GRIA1: variants seen among roughly 807,000 people sequenced by gnomAD.
GRIA1 encodes the protein glutamate ionotropic receptor AMPA type subunit 1.
A neutral mutation model predicts 99.2 loss-of-function variants in GRIA1; 31 were observed. That is an observed-to-expected ratio of 0.31 (90% CI 0.23 to 0.42). GRIA1 has a LOEUF of 0.42. Ranked by LOEUF, GRIA1 falls within the 10% of genes least tolerant of loss-of-function variation. GRIA1 has a pLI of 1.00. For missense variants in GRIA1, 782 were observed against 1,157.5 expected (o/e 0.68, Z 4.71); for synonymous variants, 438 against 432.4 (o/e 1.01, Z -0.16).
intron 11 of GRIA1, among the ~76,000 whole-genome samples, chr5:153,763,066 T>C (rs1763287005): frequency 6.6e-6 from 1 of 152,202 alleles, no homozygotes; most frequent in African/African-American, 2.4e-5. Flanking sequence ...TCTCTTTTAT[T>C]TTCCCCTCCG....
chr5:153,742,719 A>C (rs1761892615), intron 11 of GRIA1, among the ~76,000 whole-genome samples: 1 of 152,192 alleles, frequency 6.6e-6, no homozygotes, highest in Admixed American at 6.5e-5. Flanking sequence ...CCAAGCCAGC[A>C]ATGGAAGATC....
intron 8 of GRIA1, among the ~76,000 whole-genome samples, chr5:153,694,237 C>T (rs573681122): frequency 6.6e-6 from 1 of 152,254 alleles, no homozygotes; most frequent in African/African-American, 2.4e-5. Flanking sequence ...AAGCCATATA[C>T]ATCTGGCTTA....
intron 1 of GRIA1, chr5:153,491,193 TACTCGC>T: frequency 8.6e-7 from 1 of 1,169,460 alleles, no homozygotes; most frequent in Non-Finnish European, 1.1e-6. Flanking sequence ...ACACATACCC[TACTCGC>T]ACTCCAGGCA....
chr5:153,502,599 G>A (rs1292149448), intron 2 of GRIA1, among the ~76,000 whole-genome samples: 1 of 152,158 alleles, frequency 6.6e-6, no homozygotes, highest in Admixed American at 6.5e-5. Context: ...GTTTGCCATT[G>A]ATGTATGAGC....
At chr5:153,612,848 T>C (rs1260887014) in intron 2 of GRIA1, among the ~76,000 whole-genome samples, 2 of 152,116 alleles carry the variant, frequency 1.3e-5, no homozygotes, top group Non-Finnish European at 2.9e-5. Context: ...ATTAGCATTA[T>C]AAAGTGTTTC....
At chr5:153,677,274 A>C in intron 7 of GRIA1, 113 bp downstream of exon 7, 1 of 857,198 alleles carries the variant, frequency 1.2e-6, no homozygotes, top group Non-Finnish European at 1.6e-6. Context: ...CCTGAAGTTC[A>C]GAACAACCAC....
intron 4 of GRIA1, among the ~76,000 whole-genome samples, chr5:153,653,244 C>T (rs1221884382): frequency 6.6e-6 from 1 of 152,154 alleles, no homozygotes; most frequent in Non-Finnish European, 1.5e-5. Flanking sequence ...ATCTGGATTT[C>T]TATAGATAGC....
At chr5:153,787,119 C>T (rs1483006237) in intron 13 of GRIA1, among the ~76,000 whole-genome samples, 1 of 152,146 alleles carries the variant, frequency 6.6e-6, no homozygotes, top group Non-Finnish European at 1.5e-5. Flanking sequence ...TCTCCCTTGG[C>T]TGCTTTTTTC....
chr5:153,738,150 T>C (rs1189678456), intron 11 of GRIA1, among the ~76,000 whole-genome samples: 1 of 152,160 alleles, frequency 6.6e-6, no homozygotes, highest in African/African-American at 2.4e-5. Context: ...TGTAGGACAT[T>C]CCTATAGGTT....
chr5:153,773,674 A>G (rs182629577), intron 13 of GRIA1, among the ~76,000 whole-genome samples: 2 of 152,310 alleles, frequency 1.3e-5, no homozygotes, highest in African/African-American at 4.8e-5. Flanking sequence ...TATTGATTTC[A>G]AAAAAGAGAG....
intron 11 of GRIA1, among the ~76,000 whole-genome samples, chr5:153,759,596 G>A (rs940939683): frequency 2.0e-5 from 3 of 151,840 alleles, no homozygotes; most frequent in Non-Finnish European, 2.9e-5. Flanking sequence ...CAGGACTGAC[G>A]GCTTCACTGC....
intron 12 of GRIA1, among the ~76,000 whole-genome samples, chr5:153,767,412 A>C (rs1240478458): frequency 6.6e-6 from 1 of 152,210 alleles, no homozygotes; most frequent in Non-Finnish European, 1.5e-5. Flanking sequence ...TGCAATCAGG[A>C]GGTCAGGGAC....
At chr5:153,661,667 A>C (rs1194068064) in intron 5 of GRIA1, among the ~76,000 whole-genome samples, 1 of 151,836 alleles carries the variant, frequency 6.6e-6, no homozygotes, top group Non-Finnish European at 1.5e-5. Context: ...AAAGTCAATG[A>C]ATGAATGAAT....
intron 2 of GRIA1, among the ~76,000 whole-genome samples, chr5:153,622,010 T>C (rs1473328296): frequency 1.3e-5 from 2 of 152,182 alleles, no homozygotes; most frequent in South Asian, 2.1e-4. Context: ...TGTGGCTTCT[T>C]CTCTAGCCAA....
chr5:153,625,222 A>G (rs1055654328), intron 2 of GRIA1, among the ~76,000 whole-genome samples: 2 of 152,152 alleles, frequency 1.3e-5, no homozygotes, highest in African/African-American at 2.4e-5. Flanking sequence ...TGGGAGAAAC[A>G]TAGCCCAGGA....
chr5:153,723,608 G>A (rs1760253465), intron 11 of GRIA1, among the ~76,000 whole-genome samples: 1 of 152,304 alleles, frequency 6.6e-6, no homozygotes, highest in African/African-American at 2.4e-5. Flanking sequence ...ACCTGGCTCG[G>A]AGGGTCCTAC....
chr5:153,559,311 C>T (rs1488931278), intron 2 of GRIA1, among the ~76,000 whole-genome samples: 1 of 152,140 alleles, frequency 6.6e-6, no homozygotes, highest in Non-Finnish European at 1.5e-5. Flanking sequence ...ATTAACTTCT[C>T]TCCCTGGGAG....
chr5:153,544,450 A>T (rs1378498635), intron 2 of GRIA1, among the ~76,000 whole-genome samples: 2 of 152,198 alleles, frequency 1.3e-5, no homozygotes, highest in Non-Finnish European at 2.9e-5. Flanking sequence ...AAAGTCAGGG[A>T]GGTTCTCCCC....
chr5:153,682,289 C>T (rs10057454), intron 7 of GRIA1, among the ~76,000 whole-genome samples: 13,594 of 152,180 alleles, frequency 0.089, 698 homozygotes, highest in African/African-American at 0.14. Context: ...AGGAGCCCTG[C>T]GTCCAGTTTG....
Sources: gnomAD v4.1 joint callset for allele counts (sites outside exome capture counted in the v4.1 genomes callset) on GRCh38, gnomAD v4.1.1 for gene constraint, MANE v1.5 for transcripts, NCBI Gene and HGNC (gene_info 2026-07-23, HGNC 2026-07-21) for gene names.